Variants in INO80D observed in about 807,000 individuals in gnomAD.
INO80D encodes INO80 complex subunit D.
In INO80D, 21 loss-of-function variants were observed where a neutral mutation model predicts 87.6. That is an observed-to-expected ratio of 0.24 (90% confidence interval 0.17 to 0.35). INO80D has a LOEUF of 0.35. INO80D is among the 10% of genes least tolerant of loss of function. The pLI is 1.00. For synonymous variants in INO80D, 440 were observed against 491.0 expected, an observed-to-expected ratio of 0.90 and a Z score of 1.37; for missense variants, 982 against 1,280.7, an observed-to-expected ratio of 0.77 and a Z score of 3.56.
chr2:206,071,892 GCATA>G (rs1689982063), intron 1 of INO80D, among the ~76,000 whole-genome samples: 1 of 152,018 alleles, frequency 6.6e-6, no homozygotes, highest in Admixed American at 6.6e-5. Context: ...AGCCCACATG[GCATA>G]GATTTGGGGG....
Position 206,028,195 on chromosome 2 carries a change from G to T in INO80D, c.1214C>A (p.Ala405Asp). Reference protein sequence around the residue: ...QKKCRHTFRKALLQAASKEPE... With the variant: ...QKKCRHTFRKDLLQAASKEPE... ...TTCTTTACTGGCCGCCTGCAGCAAA[G>T]CTTTCCTAAACGTATGCCGGCATTT... Residue 405 changes from alanine (A) to aspartate (D), a missense_variant, in exon 6 of 11, where the codon GCT (alanine) becomes GAT (aspartate). By Grantham distance (126) the Ala-to-Asp change is moderately radical. Coordinates refer to ENST00000403263, the MANE Select transcript of INO80D (RefSeq NM_017759.5). 1.9e-6 allele frequency: 3 copies of T among 1,609,694 alleles called. No individual in the cohort carries two copies. Among genetic ancestry groups the T allele is most frequent in the South Asian group, 2.2e-5 (2 of 90,238 alleles).
intron 3 of INO80D, 73 bp from the exon 4 acceptor site, chr2:206,057,016 G>T: frequency 7.2e-7 from 1 of 1,387,754 alleles, no homozygotes; most frequent in Non-Finnish European, 9.6e-7. Flanking sequence ...AAAACTACAT[G>T]AGAATCCTAA....
At chr2:206,053,811 C>T (rs1260082354) in intron 4 of INO80D, among the ~76,000 whole-genome samples, 1 of 151,820 alleles carries the variant, frequency 6.6e-6, no homozygotes, top group East Asian at 1.9e-4. Flanking sequence ...TTTTAATATA[C>T]CATGGACACA....
intron 4 of INO80D, among the ~76,000 whole-genome samples, chr2:206,052,759 T>C (rs1386126284): frequency 6.6e-6 from 1 of 151,448 alleles, no homozygotes; most frequent in Non-Finnish European, 1.5e-5. Context: ...GCCACTGCAC[T>C]CTAGCCTGGG....
In INO80D at chr2:206,004,719, T is replaced by C; in HGVS notation, c.2733A>G (p.Gly911=). ...SPFSNLLGAD[G]HLLSTSLSTP... Reference sequence around the variant, plus strand: ...TGGATAGGGAAGTGGAAAGAAGATGTCCATCTGCGCCGAGAAGGTTGCTAA... The same window carrying C: ...TGGATAGGGAAGTGGAAAGAAGATGCCCATCTGCGCCGAGAAGGTTGCTAA... The change falls in exon 11 of 11, where the codon GGA becomes GGG. Residue 911 remains glycine (G), a synonymous_variant. Coordinates refer to ENST00000403263, the MANE Select transcript of INO80D (RefSeq NM_017759.5). This position sits in a 1 kb window ranked among gnomAD's most constrained non-coding sequence, Gnocchi z 4.9. 2 of 1,613,738 alleles carry C rather than the reference T, an allele frequency of 1.2e-6. No individual in the cohort carries two copies. Among genetic ancestry groups the C allele is most frequent in the African/African-American group, 1.3e-5 (1 of 74,944 alleles).
Position 206,082,661 on chromosome 2 carries a change from G to A in INO80D, c.-124+3240C>T, listed in dbSNP as rs1054517008. 2.6e-5 allele frequency among the ~76,000 whole-genome samples: 4 copies of A among 152,202 alleles called. No individual in the cohort carries two copies. The South Asian group carries it at 6.2e-4, about 24-fold the overall frequency. Reference sequence around the variant, plus strand: ...ATTGTTTTACCAGTTACCAGGTGTGGGGGAGGGGGAAAGAAAAGTGTCTGA... The same window carrying A: ...ATTGTTTTACCAGTTACCAGGTGTGAGGGAGGGGGAAAGAAAAGTGTCTGA... On this transcript the variant is annotated intron_variant, in intron 1 of 10. Transcript: ENST00000403263.
intron 4 of INO80D, among the ~76,000 whole-genome samples, chr2:206,052,591 G>T (rs973575360): frequency 5.3e-5 from 8 of 151,980 alleles, no homozygotes; most frequent in Non-Finnish European, 1.2e-4. Flanking sequence ...AGGAGGATCA[G>T]CCTGGGCAAC....
chr2:206,009,627 G>A lies in INO80D; in HGVS notation c.1710C>T (p.Asn570=). The change falls in exon 9 of 11, where the codon AAC becomes AAT. Residue 570 remains asparagine (N), a synonymous_variant. Coordinates refer to ENST00000403263, the MANE Select transcript of INO80D (RefSeq NM_017759.5). ...KPIPPAVPQG[N]LSMPASVSLP... is the part of the protein sequence containing the mutation. Reference sequence around the variant, plus strand: ...GTGAGACGCTGGCGGGCATGCTGAGGTTCCCTTGGGGGACTGCAGGTGGAA... The same window carrying A: ...GTGAGACGCTGGCGGGCATGCTGAGATTCCCTTGGGGGACTGCAGGTGGAA... 6.2e-7 allele frequency: 1 copy of A among 1,613,938 alleles called. No individual in the cohort carries two copies.
At position 205,996,000 on chromosome 2, in the gene INO80D, G is replaced by A. The variant is rs937764226; in HGVS notation, c.*8368C>T. Reference sequence around the variant, plus strand: ...TGACAAATTAATGACAGTAAGTGTGGAAATAAACCTAACACTAATATCGAT... The same window carrying A: ...TGACAAATTAATGACAGTAAGTGTGAAAATAAACCTAACACTAATATCGAT... On this transcript the variant is annotated 3_prime_UTR_variant, in exon 11 of 11. Transcript: ENST00000403263. 15 of 152,050 alleles carry A rather than the reference G, an allele frequency of 9.9e-5. No homozygotes were observed. Among genetic ancestry groups the A allele is most frequent in the Non-Finnish European group, 2.9e-5 (2 of 67,944 alleles). The allele number at this position is 152,050 out of a possible 1,614,324, so 9.4% of individuals were successfully genotyped here.
At chr2:206,066,534 G>T (rs116782860) in intron 1 of INO80D, among the ~76,000 whole-genome samples, 11,764 of 151,704 alleles carry the variant, frequency 0.078, 703 homozygotes, top group Admixed American at 0.19. Context: ...CACCAGGCGT[G>T]GTGGCTCACA....
chr2:206,070,476 T>C (rs574005969), intron 1 of INO80D, among the ~76,000 whole-genome samples: 1 of 151,504 alleles, frequency 6.6e-6, no homozygotes, highest in Non-Finnish European at 1.5e-5. Context: ...ATCCTAGCAC[T>C]TTGGGAGGCC....
rs749846273 is a variant in INO80D, at chr2:206,005,505, G to A, written c.1947C>T (p.Thr649=). The A allele has an allele frequency of 1.1e-5, 18 of 1,612,732 alleles. No homozygotes were observed. Among genetic ancestry groups the A allele is most frequent in the Admixed American group, 1.7e-5 (1 of 59,986 alleles). Residue 649 remains threonine (T), a synonymous_variant, in exon 11 of 11, where the codon ACC becomes ACT. Coordinates refer to ENST00000403263, the MANE Select transcript of INO80D (RefSeq NM_017759.5). ...CCCGTTCAAGCTCCTCAGCCTCTTC[G>A]GTAGTTGGGAGGAGGTCTCCATTCT... ...EGKNGDLLPT[T]EEAEELERAL...
chr2:206,082,463 A>G (rs141952377), intron 1 of INO80D, among the ~76,000 whole-genome samples: 2 of 152,378 alleles, frequency 1.3e-5, no homozygotes, highest in Non-Finnish European at 2.9e-5. Context: ...AGCCAGGAGC[A>G]TTGTCAAAAA....
At chr2:206,049,339 G>A (rs1213543696) in intron 4 of INO80D, among the ~76,000 whole-genome samples, 2 of 152,158 alleles carry the variant, frequency 1.3e-5, no homozygotes, top group African/African-American at 2.4e-5. Flanking sequence ...TTAATAATTT[G>A]TAGGGGGAAA....
chr2:206,059,740 C>T (rs975249890), intron 3 of INO80D, among the ~76,000 whole-genome samples: 7 of 151,522 alleles, frequency 4.6e-5, no homozygotes, highest in Non-Finnish European at 1.0e-4. Context: ...GAATCTACAC[C>T]GTGTGTGTGT....
At chr2:206,025,162 C>T (rs1026050571) in intron 6 of INO80D, among the ~76,000 whole-genome samples, 2 of 151,856 alleles carry the variant, frequency 1.3e-5, no homozygotes, top group Admixed American at 6.6e-5. Context: ...ATAATCCCAC[C>T]ACCTAGAGAT....
At chr2:206,032,668 C>T (rs1688798887) in intron 5 of INO80D, among the ~76,000 whole-genome samples, 1 of 152,106 alleles carries the variant, frequency 6.6e-6, no homozygotes, top group Non-Finnish European at 1.5e-5. Context: ...CTATCTTCAG[C>T]CTCCTTAAAC....
chr2:206,009,196 G>A (rs1688104425), intron 9 of INO80D, among the ~76,000 whole-genome samples: 1 of 152,162 alleles, frequency 6.6e-6, no homozygotes. Flanking sequence ...TGTAATCCCA[G>A]ACTAGGGTGG....
chr2:206,076,848 T>A (rs1368930546), intron 1 of INO80D, among the ~76,000 whole-genome samples: 5 of 152,176 alleles, frequency 3.3e-5, no homozygotes, highest in African/African-American at 4.8e-5. Context: ...CTTGGGCAAG[T>A]TATTTAGGCT....
Sources: gnomAD v4.1 joint callset for allele counts (sites outside exome capture counted in the v4.1 genomes callset) on GRCh38, gnomAD v4.1.1 for gene constraint, Gnocchi (gnomAD v3.1) non-coding constraint, MANE v1.5 for transcripts, NCBI Gene and HGNC (gene_info 2026-07-23, HGNC 2026-07-21) for gene names.